The following TDRD9 variants were observed in gnomAD, a reference collection of about 807,000 sequenced individuals.
TDRD9 encodes ATP-dependent RNA helicase TDRD9.
TDRD9 carries 124 observed loss-of-function variants against 172.6 expected under a neutral mutation model. The ratio of observed to expected loss-of-function variants is 0.72; its 90% CI spans 0.62 to 0.83. TDRD9 has a LOEUF of 0.83. Among genes scored for constraint, TDRD9 ranks in the 40% least tolerant of loss-of-function variants. The pLI is 0.00. For missense variants in TDRD9, 1,479 were observed against 1,714.1 expected, an observed-to-expected ratio of 0.86 and a Z score of 2.42; for synonymous variants, 619 against 617.1, an observed-to-expected ratio of 1.00 and a Z score of -0.05.
intron 3 of TDRD9, 61 bp downstream of exon 3, chr14:103,963,237 T>C: frequency 8.1e-7 from 1 of 1,238,610 alleles, no homozygotes; most frequent in Non-Finnish European, 1.1e-6. Flanking sequence ...GGCCCAATAC[T>C]TTTGGTTTCT....
chr14:103,965,188 G>C (rs2032681139), intron 3 of TDRD9, 145 bp from the exon 4 acceptor site: 1 of 808,042 alleles, frequency 1.2e-6, no homozygotes, highest in Admixed American at 2.5e-5. Flanking sequence ...CTCCAGGCTG[G>C]GCAACAGAGC....
chr14:103,992,777 T>C (rs563151067), intron 9 of TDRD9, among the ~76,000 whole-genome samples: 2 of 151,634 alleles, frequency 1.3e-5, no homozygotes, highest in Non-Finnish European at 2.9e-5. Flanking sequence ...CAAAAAAAAT[T>C]AGCCGGGCAT....
At chr14:104,027,039 T>A in intron 28 of TDRD9, 100 bp downstream of exon 28, 1 of 1,306,610 alleles carries the variant, frequency 7.7e-7, no homozygotes, top group Non-Finnish European at 1.0e-6. Flanking sequence ...AGGCGGACAG[T>A]GTTCCTCTTC....
intron 20 of TDRD9, among the ~76,000 whole-genome samples, chr14:104,010,667 A>G (rs2034586499): frequency 6.6e-6 from 1 of 151,886 alleles, no homozygotes; most frequent in Non-Finnish European, 1.5e-5. Flanking sequence ...ATAGTATGAT[A>G]AATCCATAAG....
intron 1 of TDRD9, among the ~76,000 whole-genome samples, chr14:103,938,543 A>G (rs991524946): frequency 1.4e-5 from 2 of 147,422 alleles, no homozygotes; most frequent in African/African-American, 5.0e-5. Flanking sequence ...GGTTCATGCC[A>G]TTCTCCTGCC....
At chr14:103,962,399 TTGG>T (rs2032550392) in intron 2 of TDRD9, among the ~76,000 whole-genome samples, 1 of 152,212 alleles carries the variant, frequency 6.6e-6, no homozygotes. Context: ...GCTTGCAATA[TTGG>T]TGGCTGTGAT....
intron 1 of TDRD9, among the ~76,000 whole-genome samples, chr14:103,935,153 A>G (rs1350072666): frequency 6.6e-6 from 1 of 152,182 alleles, no homozygotes; most frequent in Non-Finnish European, 1.5e-5. Context: ...TTGTACCTCT[A>G]TAGCTATGGG....
At chr14:103,938,688 C>T (rs1307421505) in intron 1 of TDRD9, among the ~76,000 whole-genome samples, 4 of 151,774 alleles carry the variant, frequency 2.6e-5, no homozygotes, top group Non-Finnish European at 5.9e-5. Flanking sequence ...TCGCCCGCCT[C>T]GGCCTCCCAA....
rs745819440 is a variant in TDRD9 at position 104,006,407 on chromosome 14, A to G, written c.1732A>G (p.Ser578Gly). ...TATAAAGGTTGGAGCACTTGCAGTG[A>G]GTGGGCAGAGAGAAGATGAAAACCC... ...LLKEVGALAV[S>G]GQREDENPHD... Residue 578 changes from serine to glycine, a missense_variant, in exon 16 of 36, where the codon AGT becomes GGT. Physicochemically the swap from Ser to Gly is moderately conservative, Grantham distance 56. Around this residue, in one of 3 missense-constraint regions of TDRD9, gnomAD observed 1,413 missense variants for 1,649.1 expected, o/e 0.86. Transcript: ENST00000409874. 7.4e-6 allele frequency: 12 copies of G among 1,613,824 alleles called. No homozygotes were observed. Among genetic ancestry groups the G allele is most frequent in the Non-Finnish European group, 1.0e-5 (12 of 1,179,810 alleles).
chr14:103,959,676 T>C (rs1263265039), intron 2 of TDRD9, among the ~76,000 whole-genome samples: 2 of 152,196 alleles, frequency 1.3e-5, no homozygotes, highest in Admixed American at 6.5e-5. Flanking sequence ...AGGTGTTATT[T>C]CACTTATAAG....
intron 15 of TDRD9, 105 bp downstream of exon 15, chr14:104,005,510 C>T: frequency 1.6e-6 from 2 of 1,251,666 alleles, no homozygotes; most frequent in Non-Finnish European, 2.3e-6. Context: ...ATCCTCCCGC[C>T]TCACTTTCCC....
Position 104,006,699 on chromosome 14 carries a change from G to A in TDRD9, c.1933G>A (p.Asp645Asn), listed in dbSNP as rs1566778016. Residue 645 changes from aspartate (D) to asparagine (N), a missense_variant, in exon 17 of 36, where the codon GAT becomes AAT. Transcript: ENST00000409874. ...FFAMPFRQHLDGYRNKVNFSG... is the reference protein window; with the variant it reads ...FFAMPFRQHLNGYRNKVNFSG... ...TGCAATGCCTTTCCGGCAGCATCTC[G>A]ATGGATATAGGTACTGAACATTCAT... 11 of 1,613,774 alleles carry A rather than the reference G, an allele frequency of 6.8e-6. No individual in the cohort carries two copies. The highest frequency in any genetic ancestry group is 1.1e-5 in the South Asian group (1 of 91,064).
chr14:103,941,948 A>G, intron 1 of TDRD9: 2 of 459,198 alleles, frequency 4.4e-6, no homozygotes, highest in Non-Finnish European at 7.7e-6. Context: ...GTCAGAGATA[A>G]CATATAGACT....
intron 25 of TDRD9, 106 bp downstream of exon 25, chr14:104,024,786 A>G (rs2035065609): frequency 4.6e-6 from 2 of 436,116 alleles, no homozygotes; most frequent in South Asian, 1.2e-4. Flanking sequence ...ACACACACAC[A>G]CACAGAACTT....
At chr14:104,023,084 A>G (rs565155682) in intron 24 of TDRD9, among the ~76,000 whole-genome samples, 1 of 145,556 alleles carries the variant, frequency 6.9e-6, no homozygotes, top group East Asian at 2.2e-4. Flanking sequence ...TGGAAGGCTG[A>G]TGCAGGACAA....
intron 7 of TDRD9, among the ~76,000 whole-genome samples, chr14:103,977,633 T>C (rs897292590): frequency 3.4e-5 from 5 of 147,674 alleles, no homozygotes; most frequent in African/African-American, 4.9e-5. Flanking sequence ...TTTCTTTCTT[T>C]TTTTTTTTTT....
intron 28 of TDRD9, among the ~76,000 whole-genome samples, chr14:104,030,848 G>A (rs1483344533): frequency 1.3e-5 from 2 of 152,102 alleles, no homozygotes; most frequent in East Asian, 1.9e-4. Flanking sequence ...GGAGAGGGGA[G>A]GGATAGCATC....
intron 1 of TDRD9, 26 bp from the exon 2 acceptor site, chr14:103,955,638 A>G (rs994123849): frequency 9.8e-6 from 15 of 1,532,918 alleles, no homozygotes; most frequent in East Asian, 4.9e-5. Context: ...TGGAAATAGT[A>G]TACTAACTTT....
intron 1 of TDRD9, among the ~76,000 whole-genome samples, chr14:103,943,612 G>A (rs190930778): frequency 6.6e-6 from 1 of 150,820 alleles, no homozygotes; most frequent in East Asian, 1.9e-4. Context: ...GCCTCCCAAA[G>A]TGCTGGGATT....
Sources: gnomAD v4.1 joint callset for allele counts (sites outside exome capture counted in the v4.1 genomes callset) on GRCh38, gnomAD v4.1.1 for gene constraint, gnomAD v4.1.1 regional missense constraint, MANE v1.5 for transcripts, NCBI Gene and HGNC (gene_info 2026-07-23, HGNC 2026-07-21) for gene names.